The following SLC39A10 variants were observed in gnomAD, a reference collection of about 807,000 sequenced individuals.
SLC39A10 encodes zinc transporter ZIP10.
In SLC39A10, 13 loss-of-function variants were observed where a neutral mutation model predicts 65.1. That is an observed-to-expected ratio of 0.20 (90% CI 0.13 to 0.32). The LOEUF (loss-of-function observed/expected upper bound fraction) is 0.32. Ranked by LOEUF, SLC39A10 falls within the 10% of genes least tolerant of loss-of-function variation. The probability of loss-of-function intolerance (pLI) is 1.00; values close to 1 mark genes in which losing one functional copy is unlikely to be tolerated. For missense variants in SLC39A10, 831 were observed against 1,018.4 expected (o/e 0.82, Z 2.50); for synonymous variants, 321 against 342.2 (o/e 0.94, Z 0.68).
chr2:195,633,867 T>C (rs1471998556), intron 2 of SLC39A10, among the ~76,000 whole-genome samples: 1 of 149,324 alleles, frequency 6.7e-6, no homozygotes, highest in African/African-American at 2.4e-5. Context: ...GGTGAGGCCA[T>C]GGGTGGGAAA....
At chr2:195,693,814 G>A (rs1222367368) in intron 3 of SLC39A10, among the ~76,000 whole-genome samples, 5 of 152,010 alleles carry the variant, frequency 3.3e-5, no homozygotes, top group African/African-American at 1.2e-4. Flanking sequence ...TTTCTACTCT[G>A]ATCTTTGTTA....
chr2:195,665,884 C>T lies in SLC39A10; in HGVS notation c.-12+8603C>T, dbSNP rs181764907. 2.3e-3 allele frequency among the ~76,000 whole-genome samples: 343 copies of T among 152,210 alleles called. 1 individual carries two copies. The highest frequency in any genetic ancestry group is 7.3e-3 in the African/African-American group (303 of 41,532). Reference sequence around the variant, plus strand: ...TGTGCATACCTTCCTATTTCCTGTACTCCAGTTTCTCCGTACAATTTTCAT... The same window carrying T: ...TGTGCATACCTTCCTATTTCCTGTATTCCAGTTTCTCCGTACAATTTTCAT... On this transcript the variant is annotated intron_variant, in intron 1 of 9. Coordinates refer to ENST00000359634, the MANE Select transcript of SLC39A10 (RefSeq NM_020342.3).
chr2:195,642,890 A>G (rs1157264007), intron 2 of SLC39A10, among the ~76,000 whole-genome samples: 4 of 152,356 alleles, frequency 2.6e-5, no homozygotes, highest in East Asian at 3.9e-4. Flanking sequence ...TGAAGCAGCT[A>G]GGAAATGAGC....
intron 3 of SLC39A10, among the ~76,000 whole-genome samples, chr2:195,693,788 G>T (rs1230747557): frequency 6.6e-6 from 1 of 151,944 alleles, no homozygotes; most frequent in African/African-American, 2.4e-5. Flanking sequence ...TTGTTTGTTT[G>T]TTTCAGTTTT....
intron 2 of SLC39A10, among the ~76,000 whole-genome samples, chr2:195,647,021 A>T (rs1688936188): frequency 6.6e-6 from 1 of 152,032 alleles, no homozygotes; most frequent in Non-Finnish European, 1.5e-5. Flanking sequence ...ATTTCTCTTT[A>T]TCTTCCTCTG....
intron 4 of SLC39A10, 51 bp downstream of exon 4, chr2:195,706,836 C>T: frequency 7.6e-7 from 1 of 1,313,090 alleles, no homozygotes; most frequent in Non-Finnish European, 1.0e-6. Context: ...AATATTTAAG[C>T]TGAAAGGGTC....
At chr2:195,706,516 C>A in intron 3 of SLC39A10, 100 bp from the exon 4 acceptor site, 1 of 1,128,934 alleles carries the variant, frequency 8.9e-7, no homozygotes, top group African/African-American at 1.6e-5. Flanking sequence ...GTAAAATAGT[C>A]TACCTTCTAC....
intron 1 of SLC39A10, among the ~76,000 whole-genome samples, chr2:195,660,869 A>G (rs1447804432): frequency 6.6e-6 from 1 of 152,184 alleles, no homozygotes; most frequent in African/African-American, 2.4e-5. Context: ...ATAACTTTGT[A>G]TTGCTTTGAC....
chr2:195,683,289 G>C (rs112622283), intron 2 of SLC39A10, among the ~76,000 whole-genome samples: 1 of 151,866 alleles, frequency 6.6e-6, no homozygotes, highest in African/African-American at 2.4e-5. Flanking sequence ...ATTTGGCAAT[G>C]AAAATGTCTA....
At chr2:195,672,449 C>T (rs1245752599) in intron 1 of SLC39A10, among the ~76,000 whole-genome samples, 1 of 152,052 alleles carries the variant, frequency 6.6e-6, no homozygotes, top group East Asian at 1.9e-4. Flanking sequence ...ATTCTGAAAG[C>T]ATACATCTGC....
rs1299145059 is a variant in SLC39A10, at chr2:195,728,972, G to GC, written c.2337+625dup. ...CACAGTCTTATTTCAAAATTATGCA[G>GC]CCTTTTTTTTTTTTTTATGAGATAG... On this transcript the variant is annotated intron_variant, in intron 9 of 9. Coordinates refer to ENST00000359634, the MANE Select transcript of SLC39A10 (RefSeq NM_020342.3). The surrounding 1 kb of genome is among the most constrained non-coding windows in gnomAD (Gnocchi z 4.4). Among the ~76,000 whole-genome samples, 1 of 147,912 alleles carries GC rather than the reference G, an allele frequency of 6.8e-6. No homozygotes were observed. The highest frequency in any genetic ancestry group is 2.5e-5 in the African/African-American group (1 of 40,324).
intron 9 of SLC39A10, among the ~76,000 whole-genome samples, chr2:195,734,669 G>A (rs1692531313): frequency 6.6e-6 from 1 of 152,098 alleles, no homozygotes; most frequent in African/African-American, 2.4e-5. Flanking sequence ...GGATGAGGAG[G>A]AGGGAACAGA....
At chr2:195,691,890 C>G (rs1037749298) in intron 3 of SLC39A10, among the ~76,000 whole-genome samples, 11 of 152,150 alleles carry the variant, frequency 7.2e-5, no homozygotes, top group Admixed American at 4.6e-4. Flanking sequence ...ATCTGTTTAT[C>G]TTTGTTTTTA....
At chr2:195,617,026 A>G (rs1356548417) in intron 2 of SLC39A10, among the ~76,000 whole-genome samples, 1 of 152,194 alleles carries the variant, frequency 6.6e-6, no homozygotes, top group Non-Finnish European at 1.5e-5. Flanking sequence ...TTTGATAGTT[A>G]AACTTACCAA....
chr2:195,737,440 G>GTAAC lies in SLC39A10; in HGVS notation c.*2402_*2405dup, dbSNP rs1468633787. 1 of 160,176 alleles carries GTAAC rather than the reference G, an allele frequency of 6.2e-6. No homozygotes were observed. Among genetic ancestry groups the GTAAC allele is most frequent in the Admixed American group, 5.9e-5 (1 of 16,888 alleles). The allele number at this position is 160,176 out of a possible 1,614,324, so 9.9% of individuals were successfully genotyped here. ...ATTGATTATGCTTAGAAATACTATA[G>GTAAC]TAACTAGATGCAGTGTGAATTTTTT... On this transcript the variant is annotated 3_prime_UTR_variant, in exon 10 of 10. Transcript: ENST00000359634.
chr2:195,677,487 T>C (rs1250726168), intron 1 of SLC39A10, among the ~76,000 whole-genome samples: 2 of 152,162 alleles, frequency 1.3e-5, no homozygotes, highest in Non-Finnish European at 2.9e-5. Flanking sequence ...TGAGCTATGA[T>C]TGCGCCACTG....
chr2:195,652,732 G>C (rs1480956375), upstream of SLC39A10, among the ~76,000 whole-genome samples: 1 of 152,056 alleles, frequency 6.6e-6, no homozygotes. Context: ...AAGAGACTTG[G>C]AAAGGGAAGG....
chr2:195,710,566 T>C (rs751361445), intron 5 of SLC39A10, among the ~76,000 whole-genome samples: 25 of 152,238 alleles, frequency 1.6e-4, no homozygotes, highest in Non-Finnish European at 2.6e-4. Context: ...ATAAAACTTA[T>C]TTGTGTGACT....
rs1692546759 is a variant in SLC39A10 at position 195,735,036 on chromosome 2, T to C, written c.2491T>C (p.Phe831Leu). 6.2e-7 allele frequency: 1 copy of C among 1,609,860 alleles called. No homozygotes were observed. Among genetic ancestry groups the C allele is most frequent in the South Asian group, 1.1e-5 (1 of 90,012 alleles). ...YEDKIVFDIQ[F>L] ...AGATAAAATTGTGTTTGACATCCAGTTTTGACCTTTCCCAGTAATCACTGT... is the reference window on the plus strand; with the variant it reads ...AGATAAAATTGTGTTTGACATCCAGCTTTGACCTTTCCCAGTAATCACTGT... Residue 831 changes from phenylalanine to leucine, a missense_variant, in exon 10 of 10, where the codon TTT (phenylalanine) becomes CTT (leucine). By Grantham distance (22) the Phe-to-Leu change is conservative (BLOSUM62 0). Coordinates refer to ENST00000359634, the MANE Select transcript of SLC39A10 (RefSeq NM_020342.3).
Sources: allele counts gnomAD v4.1 joint callset (sites outside exome capture counted in the v4.1 genomes callset), GRCh38; gene constraint gnomAD v4.1.1; non-coding constraint Gnocchi (gnomAD v3.1); transcripts MANE v1.5; gene names NCBI Gene and HGNC (gene_info 2026-07-23, HGNC 2026-07-21).